Variants in SDK1 observed in about 807,000 individuals in gnomAD.
The protein encoded by SDK1 is sidekick cell adhesion molecule 1.
Under a neutral mutation model 245.5 loss-of-function variants are expected in SDK1, and 157 were observed. That is an observed-to-expected ratio of 0.64 (90% CI 0.56 to 0.73). The LOEUF (loss-of-function observed/expected upper bound fraction) is 0.73, where lower values mean the gene tolerates loss of function less well. SDK1 is among the 30% of genes least tolerant of loss of function. SDK1 has a pLI of 0.00. For missense variants in SDK1, 3,583 were observed against 3,002.3 expected, an observed-to-expected ratio of 1.19 and a Z score of -4.52; for synonymous variants, 1,647 against 1,278.5, an observed-to-expected ratio of 1.29 and a Z score of -6.15.
At chr7:3,756,910 T>C (rs1443851914) in intron 4 of SDK1, among the ~76,000 whole-genome samples, 2 of 152,206 alleles carry the variant, frequency 1.3e-5, no homozygotes, top group East Asian at 3.9e-4. Flanking sequence ...TTCCTGGCGA[T>C]GCGAACCTTG....
At position 3,618,795 on chromosome 7, in the gene SDK1, A is replaced by G. The variant is rs148013738; in HGVS notation, c.299-285A>G. On this transcript the variant is annotated intron_variant, in intron 1 of 44. Coordinates refer to ENST00000404826, the MANE Select transcript of SDK1 (RefSeq NM_152744.4). ...CTTGTATGTACAGGGATTGTCCGAT[A>G]TGTCCCTTCAATAAGCTATTAACCA... Among the ~76,000 whole-genome samples the G allele has an allele frequency of 1.4e-3, 211 of 152,338 alleles. 1 individual carries two copies. Among genetic ancestry groups the G allele is most frequent in the Non-Finnish European group, 2.1e-3 (141 of 68,040 alleles).
At chr7:3,552,365 G>A (rs1161250214) in intron 1 of SDK1, among the ~76,000 whole-genome samples, 2 of 152,118 alleles carry the variant, frequency 1.3e-5, no homozygotes, top group Non-Finnish European at 2.9e-5. Context: ...GAACCCTGTG[G>A]TTCCTGGAAG....
intron 7 of SDK1, chr7:3,958,327 G>GT (rs575612604): frequency 0.011 from 2,604 of 244,114 alleles, 1 homozygote; most frequent in South Asian, 0.023. Context: ...TACAACCACT[G>GT]TTTTTTTTTC....
At chr7:4,246,008 A>T (rs926425293) in intron 44 of SDK1, among the ~76,000 whole-genome samples, 1 of 152,218 alleles carries the variant, frequency 6.6e-6, no homozygotes, top group African/African-American at 2.4e-5. Flanking sequence ...CAGAGCTCAC[A>T]TAGCCTCGAG....
At chr7:3,469,571 C>G (rs1316607222) in intron 1 of SDK1, among the ~76,000 whole-genome samples, 2 of 152,140 alleles carry the variant, frequency 1.3e-5, no homozygotes, top group Non-Finnish European at 1.5e-5. Context: ...GGGCCTATTC[C>G]TAGGTTGTTT....
At chr7:3,950,893 T>G (rs1780784607) in intron 5 of SDK1, 30 bp from the exon 6 acceptor site, 1 of 1,574,548 alleles carries the variant, frequency 6.4e-7, no homozygotes, top group Non-Finnish European at 8.7e-7. Context: ...ACTTAGAGTT[T>G]CATGGACATT....
chr7:3,516,368 C>CT (rs1267060043), intron 1 of SDK1, among the ~76,000 whole-genome samples: 1 of 152,042 alleles, frequency 6.6e-6, no homozygotes, highest in Non-Finnish European at 1.5e-5. Flanking sequence ...TACCATCCTG[C>CT]TGGGTGATGC....
intron 4 of SDK1, among the ~76,000 whole-genome samples, chr7:3,764,545 G>T (rs919406711): frequency 1.3e-5 from 2 of 152,080 alleles, no homozygotes; most frequent in African/African-American, 4.8e-5. Context: ...AATTAGCTGG[G>T]CATGGTGGCC....
At chr7:3,853,310 G>T (rs1369258250) in intron 5 of SDK1, among the ~76,000 whole-genome samples, 1 of 152,080 alleles carries the variant, frequency 6.6e-6, no homozygotes, top group African/African-American at 2.4e-5. Context: ...CAATTTTGGA[G>T]GGCATCTATT....
chr7:3,803,290 TTTTCTTTTC>T (rs1189203226), intron 4 of SDK1, among the ~76,000 whole-genome samples: 1 of 149,848 alleles, frequency 6.7e-6, no homozygotes, highest in Non-Finnish European at 1.5e-5. Flanking sequence ...TTTTCTTTTC[TTTTCTTTTC>T]TTTCTTTCTT....
intron 1 of SDK1, among the ~76,000 whole-genome samples, chr7:3,376,508 A>C (rs945295890): frequency 2.0e-5 from 3 of 152,242 alleles, no homozygotes; most frequent in Non-Finnish European, 4.4e-5. Context: ...CAAAGTAGAA[A>C]TAAATGTATG....
At chr7:3,982,551 T>C (rs957220536) in intron 13 of SDK1, among the ~76,000 whole-genome samples, 10 of 152,100 alleles carry the variant, frequency 6.6e-5, no homozygotes, top group African/African-American at 2.4e-4. Context: ...CCATTAAGAA[T>C]GTTTGTGGGC....
intron 1 of SDK1, chr7:3,302,344 C>T (rs1225085746): frequency 6.6e-6 from 1 of 152,090 alleles, no homozygotes; most frequent in Non-Finnish European, 1.5e-5. Context: ...GGGCCTCGTC[C>T]TCTCCCCAGC....
chr7:3,361,032 C>T (rs559304513), intron 1 of SDK1, among the ~76,000 whole-genome samples: 4 of 152,114 alleles, frequency 2.6e-5, no homozygotes, highest in Non-Finnish European at 4.4e-5. Flanking sequence ...TCATCTTTCC[C>T]CTTTGGTTGA....
chr7:3,357,412 C>T (rs192327187), intron 1 of SDK1, among the ~76,000 whole-genome samples: 49 of 126,536 alleles, frequency 3.9e-4, no homozygotes, highest in African/African-American at 1.2e-3. Flanking sequence ...TGCAATGGTG[C>T]GATCACGGCT....
At chr7:3,586,908 A>G (rs955838920) in intron 1 of SDK1, among the ~76,000 whole-genome samples, 6 of 152,128 alleles carry the variant, frequency 3.9e-5, no homozygotes, top group African/African-American at 1.4e-4. Flanking sequence ...CCAGCGTATT[A>G]AGGGTTCTGT....
In SDK1 at chr7:3,935,689, C is replaced by G. The variant is rs529224888; in HGVS notation, c.848-15234C>G. Among the ~76,000 whole-genome samples, 5 of 152,288 alleles carry G rather than the reference C, an allele frequency of 3.3e-5. No homozygotes were observed. The East Asian group carries it at 9.6e-4, about 29-fold the overall frequency. ...AACCACAATGAAAGACCACCCCACT[C>G]CCTTTAGGATGGCTGTAATTCAAAA... On this transcript the variant is annotated intron_variant, in intron 5 of 44. Transcript: ENST00000404826.
intron 1 of SDK1, among the ~76,000 whole-genome samples, chr7:3,346,827 A>ATATATAATTTTTTTTTTTT (rs1228887289): frequency 1.2e-4 from 2 of 16,388 alleles, no homozygotes; most frequent in Non-Finnish European, 2.1e-4. Context: ...ATATATATAT[A>ATATATAATTTTTTTTTTTT]TTTTTTTTTT....
At chr7:3,969,087 C>T (rs921955974) in intron 10 of SDK1, among the ~76,000 whole-genome samples, 170 bp from the exon 11 acceptor site, 19 of 152,222 alleles carry the variant, frequency 1.2e-4, no homozygotes, top group African/African-American at 4.3e-4. Context: ...CCTCAGGATC[C>T]AGTCACCTCC....
Sources: gnomAD v4.1 joint callset for allele counts (sites outside exome capture counted in the v4.1 genomes callset) on GRCh38, gnomAD v4.1.1 for gene constraint, MANE v1.5 for transcripts, NCBI Gene and HGNC (gene_info 2026-07-23, HGNC 2026-07-21) for gene names.